The following FBXL19 variants were observed in gnomAD, a reference collection of about 807,000 sequenced individuals.
The protein encoded by FBXL19 is F-box and leucine rich repeat protein 19, also known as F-box/LRR-repeat protein 19.
Under a neutral mutation model 71.2 loss-of-function variants are expected in FBXL19, and 16 were observed. The observed-to-expected ratio is 0.22, with a 90% CI of 0.15 to 0.34. FBXL19 has a LOEUF of 0.34. FBXL19 is among the 10% of genes least tolerant of loss of function. FBXL19 has a pLI of 1.00. For missense variants in FBXL19, 658 were observed against 968.2 expected (o/e 0.68, Z 4.25); for synonymous variants, 447 against 409.4 (o/e 1.09, Z -1.11).
rs192205338 is a variant in FBXL19 at position 30,923,769 on chromosome 16, C to T, written c.-715C>T. Among the ~76,000 whole-genome samples the T allele has an allele frequency of 3.2e-3, 475 of 150,712 alleles. 3 individuals carry two copies. The highest frequency in any genetic ancestry group is 0.011 in the African/African-American group (453 of 40,986). On this transcript the variant is annotated 5_prime_UTR_variant, in exon 1 of 11. Transcript: ENST00000338343. ...GATTTATTCAAATTTTATTTAAATC[C>T]CTATCTCCCGAGGGTCGCGCGCTTG...
chr16:30,943,367 ATTTTTTT>A (rs34002102), intron 9 of FBXL19, among the ~76,000 whole-genome samples: 11 of 67,586 alleles, frequency 1.6e-4, no homozygotes, highest in Admixed American at 1.2e-3. Context: ...TTTTTTTGTA[ATTTTTTT>A]TTTTTTTTTT....
chr16:30,947,241 C>T lies in FBXL19; in HGVS notation c.*11C>T. The T allele has an allele frequency of 6.4e-7, 1 of 1,560,986 alleles. No homozygotes were observed. Among genetic ancestry groups the T allele is most frequent in the Non-Finnish European group, 8.6e-7 (1 of 1,158,178 alleles). On this transcript the variant is annotated 3_prime_UTR_variant, in exon 11 of 11. Coordinates refer to ENST00000338343, the MANE Select transcript of FBXL19 (RefSeq NM_001382779.1). ...CTCAAGGACAGCTAGTTGGGCGCCC[C>T]CCACCCTCCCCCGGACTCGACAGGA... is the stretch of plus-strand genomic sequence containing the variant.
intron 2 of FBXL19, 106 bp from the exon 3 acceptor site, chr16:30,927,202 C>T (rs1391401985): frequency 2.5e-6 from 3 of 1,195,684 alleles, no homozygotes; most frequent in Admixed American, 2.9e-5. Context: ...CAGCTTGACC[C>T]GTGGGTGCTG....
At chr16:30,931,554 G>C (rs2055674132) in intron 7 of FBXL19, among the ~76,000 whole-genome samples, 1 of 152,094 alleles carries the variant, frequency 6.6e-6, no homozygotes, top group African/African-American at 2.4e-5. Flanking sequence ...GCAGCCCTGT[G>C]AGAGAAAAGG....
chr16:30,927,949 A>G lies in FBXL19; in HGVS notation c.613A>G (p.Thr205Ala). Residue 205 changes from threonine to alanine, a missense_variant, in exon 5 of 11, where the codon ACC becomes GCC. Coordinates refer to ENST00000338343, the MANE Select transcript of FBXL19 (RefSeq NM_001382779.1). Reference protein sequence around the residue: ...KEREAGNEPPTPRKKVKGGRE... With the variant: ...KEREAGNEPPAPRKKVKGGRE... Reference sequence around the variant, plus strand: ...AAGGGAGGCAGGGAATGAGCCTCCCACCCCAAGGAAAAAGGTGAGCCACGG... The same window carrying G: ...AAGGGAGGCAGGGAATGAGCCTCCCGCCCCAAGGAAAAAGGTGAGCCACGG... 1 of 1,525,524 alleles carries G rather than the reference A, an allele frequency of 6.6e-7. No homozygotes were observed. Among genetic ancestry groups the G allele is most frequent in the East Asian group, 2.3e-5 (1 of 43,272 alleles). The allele number at this position is 1,525,524 out of a possible 1,614,324, so 94.5% of individuals were successfully genotyped here.
At chr16:30,938,172 AG>A (rs1163780257) in intron 7 of FBXL19, among the ~76,000 whole-genome samples, 3 of 151,998 alleles carry the variant, frequency 2.0e-5, no homozygotes, top group Non-Finnish European at 2.9e-5. Flanking sequence ...AGAGGGGTGA[AG>A]GTGTTCGGAC....
chr16:30,925,844 C>T lies in FBXL19; in HGVS notation c.90C>T (p.Cys30=), dbSNP rs574724244. 13 of 1,510,432 alleles carry T rather than the reference C, an allele frequency of 8.6e-6. No homozygotes were observed. The highest frequency in any genetic ancestry group is 1.8e-4 in the Middle Eastern group (1 of 5,690). 93.6% of individuals were successfully genotyped at this position (1,510,432 alleles called of 1,614,324 possible). A position where few individuals can be genotyped will look rare whatever the true frequency, so the allele number is the denominator to read the frequency against. The change falls in exon 2 of 11, where the codon TGC becomes TGT. Residue 30 remains cysteine (C), a synonymous_variant. Coordinates refer to ENST00000338343, the MANE Select transcript of FBXL19 (RefSeq NM_001382779.1). This position sits in a 1 kb window ranked among gnomAD's most constrained non-coding sequence, Gnocchi z 5.0. ...GCCGGGCCTGTGTGCGAACTGAGTGCGGGGATTGCCACTTCTGCCGAGACA... is the reference window on the plus strand; with the variant it reads ...GCCGGGCCTGTGTGCGAACTGAGTGTGGGGATTGCCACTTCTGCCGAGACA... The part of the protein sequence containing the change: ...RRCRACVRTE[C]GDCHFCRDMK...
intron 6 of FBXL19, among the ~76,000 whole-genome samples, chr16:30,929,263 G>A (rs559558305): frequency 3.3e-5 from 5 of 152,258 alleles, no homozygotes; most frequent in Non-Finnish European, 5.9e-5. Flanking sequence ...TTTAAGCCTC[G>A]GTTTCCTCAT....
At position 30,928,487 on chromosome 16, in the gene FBXL19, G is replaced by T; in HGVS notation, c.648G>T (p.Arg216Ser). Residue 216 changes from arginine to serine, a missense_variant, in exon 6 of 11, where the codon AGG becomes AGT. Coordinates refer to ENST00000338343, the MANE Select transcript of FBXL19 (RefSeq NM_001382779.1). ...PRKKVKGGRE[R>S]HLKKVGGDAC... is the part of the protein sequence containing the mutation. Reference sequence around the variant, plus strand: ...GGTAGGTGAAAGGAGGCCGAGAGAGGCACCTGAAGAAGGTGGGTGGAGACG... The same window carrying T: ...GGTAGGTGAAAGGAGGCCGAGAGAGTCACCTGAAGAAGGTGGGTGGAGACG... 1 of 1,592,398 alleles carries T rather than the reference G, an allele frequency of 6.3e-7. No homozygotes were observed. The highest frequency in any genetic ancestry group is 8.6e-7 in the Non-Finnish European group (1 of 1,169,266).
chr16:30,943,477 C>G (rs2055824847), intron 9 of FBXL19, among the ~76,000 whole-genome samples: 1 of 150,522 alleles, frequency 6.6e-6, no homozygotes, highest in South Asian at 2.1e-4. Flanking sequence ...CGGGTTCACG[C>G]CATTCTCCTG....
At position 30,947,247 on chromosome 16, in the gene FBXL19, C is replaced by T; in HGVS notation, c.*17C>T. ...GACAGCTAGTTGGGCGCCCCCCACC[C>T]TCCCCCGGACTCGACAGGAGCCTGG... is the stretch of plus-strand genomic sequence containing the variant. On this transcript the variant is annotated 3_prime_UTR_variant, in exon 11 of 11. Transcript: ENST00000338343. 1 of 1,547,136 alleles carries T rather than the reference C, an allele frequency of 6.5e-7. No individual in the cohort carries two copies. Among genetic ancestry groups the T allele is most frequent in the South Asian group, 1.2e-5 (1 of 84,524 alleles).
intron 7 of FBXL19, among the ~76,000 whole-genome samples, chr16:30,932,355 C>G (rs935207131): frequency 3.9e-5 from 6 of 152,348 alleles, no homozygotes; most frequent in Middle Eastern, 3.4e-3. Flanking sequence ...GGGGATGACA[C>G]CTGCCTCATG....
At chr16:30,933,742 C>T (rs936860290) in intron 7 of FBXL19, among the ~76,000 whole-genome samples, 5 of 151,148 alleles carry the variant, frequency 3.3e-5, no homozygotes, top group East Asian at 3.9e-4. Context: ...TGAGCCACTG[C>T]GCCCGGCCAA....
Position 30,947,254 on chromosome 16 carries a change from G to A in FBXL19, c.*24G>A, listed in dbSNP as rs932149652. 58 of 1,226,498 alleles carry A rather than the reference G, an allele frequency of 4.7e-5. No homozygotes were observed. Among genetic ancestry groups the A allele is most frequent in the East Asian group, 2.3e-4 (8 of 34,074 alleles). The allele number at this position is 1,226,498 out of a possible 1,614,324, so 76.0% of individuals were successfully genotyped here. A position where few individuals can be genotyped will look rare whatever the true frequency, so the allele number is the denominator to read the frequency against. On this transcript the variant is annotated 3_prime_UTR_variant, in exon 11 of 11. Transcript: ENST00000338343. ...AGTTGGGCGCCCCCCACCCTCCCCCGGACTCGACAGGAGCCTGGACCTCCG... is the reference window on the plus strand; with the variant it reads ...AGTTGGGCGCCCCCCACCCTCCCCCAGACTCGACAGGAGCCTGGACCTCCG...
intron 9 of FBXL19, among the ~76,000 whole-genome samples, chr16:30,943,015 G>C (rs756246238): frequency 6.6e-6 from 1 of 152,172 alleles, no homozygotes; most frequent in African/African-American, 2.4e-5. Flanking sequence ...CTCCTGCCAG[G>C]GTCTCCAGCT....
Position 30,927,944 on chromosome 16 carries a change from C to A in FBXL19, c.608C>A (p.Pro203His), listed in dbSNP as rs1230451028. The part of the protein sequence containing the change: ...KRKEREAGNE[P>H]PTPRKKVKGG... ...AAGGAAAGGGAGGCAGGGAATGAGC[C>A]TCCCACCCCAAGGAAAAAGGTGAGC... The change falls in exon 5 of 11, where the codon CCT (proline) becomes CAT (histidine). Residue 203 changes from proline (P) to histidine (H), a missense_variant. Pro to His is a moderately conservative substitution (Grantham distance 77). Coordinates refer to ENST00000338343, the MANE Select transcript of FBXL19 (RefSeq NM_001382779.1). The A allele has an allele frequency of 6.5e-7, 1 of 1,530,316 alleles. No homozygotes were observed. The highest frequency in any genetic ancestry group is 8.7e-7 in the Non-Finnish European group (1 of 1,146,910). The allele number at this position is 1,530,316 out of a possible 1,614,324, so 94.8% of individuals were successfully genotyped here. A position where few individuals can be genotyped will look rare whatever the true frequency, so the allele number is the denominator to read the frequency against.
At chr16:30,928,056 C>A in intron 5 of FBXL19, 93 bp downstream of exon 5, 1 of 878,198 alleles carries the variant, frequency 1.1e-6, no homozygotes, top group Non-Finnish European at 1.7e-6. Context: ...GGCCTGGGAG[C>A]GTGCTCTGTG....
intron 7 of FBXL19, among the ~76,000 whole-genome samples, chr16:30,932,103 T>A (rs1468998535): frequency 1.3e-5 from 2 of 152,160 alleles, no homozygotes; most frequent in African/African-American, 4.8e-5. Context: ...GGTTTCTTCA[T>A]CTGAAAAACC....
chr16:30,943,401 G>A (rs1185256253), intron 9 of FBXL19, among the ~76,000 whole-genome samples: 2 of 114,370 alleles, frequency 1.7e-5, no homozygotes, highest in African/African-American at 6.6e-5. Context: ...TTGAGGTGAA[G>A]TCTTGCTCTG....
Sources: allele counts gnomAD v4.1 joint callset (sites outside exome capture counted in the v4.1 genomes callset), GRCh38; gene constraint gnomAD v4.1.1; non-coding constraint Gnocchi (gnomAD v3.1); transcripts MANE v1.5; gene names NCBI Gene and HGNC (gene_info 2026-07-23, HGNC 2026-07-21).